SLCO5A1: variants seen among roughly 807,000 people sequenced by gnomAD.
SLCO5A1 encodes organic anion transporter polypeptide-related protein 4.
Under a neutral mutation model 65.1 loss-of-function variants are expected in SLCO5A1, and 39 were observed. The observed-to-expected ratio is 0.60, with a 90% CI of 0.46 to 0.78. SLCO5A1 has a LOEUF of 0.78. Among genes scored for constraint, SLCO5A1 ranks in the 30% least tolerant of loss-of-function variants. The pLI is 0.00. For missense variants in SLCO5A1, 1,029 were observed against 1,069.4 expected, an observed-to-expected ratio of 0.96 and a Z score of 0.53; for synonymous variants, 438 against 415.7, an observed-to-expected ratio of 1.05 and a Z score of -0.65.
intron 9 of SLCO5A1, among the ~76,000 whole-genome samples, chr8:69,674,749 T>C (rs1813476501): frequency 6.6e-6 from 1 of 151,696 alleles, no homozygotes; most frequent in Non-Finnish European, 1.5e-5. Context: ...GGCCAGGCAT[T>C]GTGGCTCACA....
Position 69,676,700 on chromosome 8 carries a change from C to G in SLCO5A1, c.2025-27G>C, listed in dbSNP as rs1019147668. 2.5e-6 allele frequency: 4 copies of G among 1,595,286 alleles called. No homozygotes were observed. In the African/African-American group the frequency reaches 5.4e-5, roughly 21 times the overall value. ...TACAGTGAAGGGAAAGAAGGAAATGCATTTTAAATAGTAGCCCCAAGAAAA... is the reference window on the plus strand; with the variant it reads ...TACAGTGAAGGGAAAGAAGGAAATGGATTTTAAATAGTAGCCCCAAGAAAA... On this transcript the variant is annotated intron_variant, in intron 8 of 9. Transcript: ENST00000260126.
chr8:69,795,416 C>T (rs942174209), intron 2 of SLCO5A1, among the ~76,000 whole-genome samples: 2 of 152,154 alleles, frequency 1.3e-5, no homozygotes, highest in Non-Finnish European at 2.9e-5. Flanking sequence ...GGCTACAGAC[C>T]CCTTACAAGT....
chr8:69,832,462 T>G lies in SLCO5A1; in HGVS notation c.212A>C (p.Glu71Ala). The G allele has an allele frequency of 6.2e-7, 1 of 1,612,976 alleles. No homozygotes were observed. The highest frequency in any genetic ancestry group is 8.5e-7 in the Non-Finnish European group (1 of 1,179,626). The change falls in exon 2 of 10, where the codon GAG (glutamate) becomes GCG (alanine). Residue 71 changes from glutamate (E) to alanine (A), a missense_variant. By Grantham distance (107) the Glu-to-Ala change is moderately radical (BLOSUM62 -1). Around this residue, in one of 3 missense-constraint regions of SLCO5A1, gnomAD observed 647 missense variants for 647.5 expected, o/e 1.00. Transcript: ENST00000260126. This position sits in a 1 kb window ranked among gnomAD's most constrained non-coding sequence, Gnocchi z 4.5. ...CAACGGGTTCGGGCCTTGCTTCAACTCCTGGTGGCCCGAAGAATCCACACA... is the reference window on the plus strand; with the variant it reads ...CAACGGGTTCGGGCCTTGCTTCAACGCCTGGTGGCCCGAAGAATCCACACA... The part of the protein sequence containing the change: ...FGCVDSSGHQ[E>A]LKQGPNPLAP...
At chr8:69,789,984 G>A (rs1256702399) in intron 2 of SLCO5A1, among the ~76,000 whole-genome samples, 1 of 152,032 alleles carries the variant, frequency 6.6e-6, no homozygotes, top group Non-Finnish European at 1.5e-5. Context: ...CCTGAGATCA[G>A]GAGTTTGAGA....
rs562344296 is a variant in SLCO5A1 at position 69,675,566 on chromosome 8, G to A, written c.2089+1043C>T. ...AAATGATAGCCTCAGAGTCTTATTA[G>A]TACTGAAAAAAACAAGCCACTCATT... On this transcript the variant is annotated intron_variant, in intron 9 of 9. Transcript: ENST00000260126. Among the ~76,000 whole-genome samples, 186 of 152,042 alleles carry A rather than the reference G, an allele frequency of 1.2e-3. 1 individual carries two copies. Among genetic ancestry groups the A allele is most frequent in the Admixed American group, 2.6e-3 (39 of 15,264 alleles).
rs1813308345 is a variant in SLCO5A1, at chr8:69,670,786, A to G, written c.*2083T>C. On this transcript the variant is annotated 3_prime_UTR_variant, in exon 10 of 10. Coordinates refer to ENST00000260126, the MANE Select transcript of SLCO5A1 (RefSeq NM_030958.3). ...GTGCCAATCCCACCAAAATTCTCTC[A>G]ATGCAGTATCTTAATGATCAGAAGA... 2 of 152,148 alleles carry G rather than the reference A, an allele frequency of 1.3e-5. No homozygotes were observed. The highest frequency in any genetic ancestry group is 1.3e-4 in the Admixed American group (2 of 15,266). 9.4% of individuals were successfully genotyped at this position (152,148 alleles called of 1,614,324 possible). A position where few individuals can be genotyped will look rare whatever the true frequency, so the allele number is the denominator to read the frequency against.
chr8:69,673,041 G>C lies in SLCO5A1; in HGVS notation c.2375C>G (p.Thr792Ser). The change falls in exon 10 of 10, where the codon ACT (threonine) becomes AGT (serine). Residue 792 changes from threonine (T) to serine (S), a missense_variant. Thr to Ser is a moderately conservative substitution (Grantham distance 58). Around this residue, in one of 3 missense-constraint regions of SLCO5A1, gnomAD observed 258 missense variants for 237.4 expected, o/e 1.09. Coordinates refer to ENST00000260126, the MANE Select transcript of SLCO5A1 (RefSeq NM_030958.3). ...ERVGHPDNAR[T>S]RSCPAFSTQG... ...GGTGCTGAAAGCTGGGCAAGATCTA[G>C]TCCGGGCATTGTCGGGGTGTCCCAC... The C allele has an allele frequency of 6.2e-7, 1 of 1,614,208 alleles. No homozygotes were observed. The highest frequency in any genetic ancestry group is 1.1e-5 in the South Asian group (1 of 91,088).
intron 2 of SLCO5A1, among the ~76,000 whole-genome samples, chr8:69,769,636 C>T (rs905531821): frequency 3.3e-5 from 5 of 152,160 alleles, no homozygotes; most frequent in African/African-American, 1.2e-4. Flanking sequence ...TTATTTAATA[C>T]ATGACATACT....
At chr8:69,674,976 G>T (rs1813490141) in intron 9 of SLCO5A1, among the ~76,000 whole-genome samples, 1 of 151,374 alleles carries the variant, frequency 6.6e-6, no homozygotes, top group Non-Finnish European at 1.5e-5. Context: ...AGAGGCAGAG[G>T]TTGCAGAGAA....
At chr8:69,772,973 G>A (rs1314598946) in intron 2 of SLCO5A1, 74 of 985,202 alleles carry the variant, frequency 7.5e-5, no homozygotes, top group Non-Finnish European at 8.9e-5. Context: ...ATATGCTGTG[G>A]ACTGTGGGAA....
chr8:69,802,172 C>T lies in SLCO5A1; in HGVS notation c.907+29595G>A, dbSNP rs112682691. 6.4e-3 allele frequency among the ~76,000 whole-genome samples: 975 copies of T among 152,096 alleles called. 9 individuals are homozygous for T. Among genetic ancestry groups the T allele is most frequent in the African/African-American group, 0.022 (926 of 41,482 alleles). ...TGGAGATTAATAATGGGGATCAGCA[C>T]GATAAAAGGGCTTAGAAAATTCTTC... On this transcript the variant is annotated intron_variant, in intron 2 of 9. Transcript: ENST00000260126.
At chr8:69,752,476 G>A (rs1014744193) in intron 4 of SLCO5A1, among the ~76,000 whole-genome samples, 6 of 151,450 alleles carry the variant, frequency 4.0e-5, no homozygotes, top group African/African-American at 1.5e-4. Flanking sequence ...ATGATTCCTG[G>A]AGATTTAATT....
At chr8:69,741,486 G>A (rs1019545189) in intron 4 of SLCO5A1, among the ~76,000 whole-genome samples, 3 of 152,178 alleles carry the variant, frequency 2.0e-5, no homozygotes, top group African/African-American at 7.2e-5. Flanking sequence ...GAACATAGCT[G>A]CCACAAATAA....
chr8:69,796,898 T>C (rs528914996), intron 2 of SLCO5A1, among the ~76,000 whole-genome samples: 1 of 152,162 alleles, frequency 6.6e-6, no homozygotes, highest in Non-Finnish European at 1.5e-5. Context: ...TGCTAATGCA[T>C]AGCAAAAGTG....
At chr8:69,807,945 C>T (rs1012781807) in intron 2 of SLCO5A1, among the ~76,000 whole-genome samples, 10 of 152,212 alleles carry the variant, frequency 6.6e-5, no homozygotes, top group East Asian at 3.9e-4. Flanking sequence ...CCTGGTGATC[C>T]GCCTGCCTCA....
At chr8:69,830,902 T>C (rs1821124248) in intron 2 of SLCO5A1, among the ~76,000 whole-genome samples, 1 of 152,240 alleles carries the variant, frequency 6.6e-6, no homozygotes, top group Non-Finnish European at 1.5e-5. Context: ...TGGATAAACC[T>C]TATAACCTGT....
intron 2 of SLCO5A1, among the ~76,000 whole-genome samples, chr8:69,785,375 T>C (rs572728356): frequency 2.0e-5 from 3 of 152,320 alleles, no homozygotes; most frequent in South Asian, 4.1e-4. Flanking sequence ...TTATTGTAAT[T>C]TAAAATCATA....
At chr8:69,742,351 T>C (rs899282444) in intron 4 of SLCO5A1, among the ~76,000 whole-genome samples, 22 of 152,156 alleles carry the variant, frequency 1.4e-4, no homozygotes, top group Admixed American at 1.4e-3. Flanking sequence ...ACTGTGTCAT[T>C]GTAAAACCAA....
chr8:69,825,803 A>C (rs1302131261), intron 2 of SLCO5A1, among the ~76,000 whole-genome samples: 1 of 152,210 alleles, frequency 6.6e-6, no homozygotes, highest in Admixed American at 6.5e-5. Context: ...TGGAACCAAA[A>C]AAGAGCCCAC....
Sources: allele counts gnomAD v4.1 joint callset (sites outside exome capture counted in the v4.1 genomes callset), GRCh38; gene constraint gnomAD v4.1.1; regional missense constraint gnomAD v4.1.1; non-coding constraint Gnocchi (gnomAD v3.1); transcripts MANE v1.5; gene names NCBI Gene and HGNC (gene_info 2026-07-23, HGNC 2026-07-21).